Variants in ZMAT4 observed in about 807,000 individuals in gnomAD.
ZMAT4 encodes zinc finger matrin-type protein 4.
Under a neutral mutation model 28.7 loss-of-function variants are expected in ZMAT4, and 17 were observed. The observed-to-expected ratio is 0.59, with a 90% confidence interval of 0.41 to 0.89. The LOEUF is 0.89. Ranked by LOEUF, ZMAT4 falls within the 40% of genes least tolerant of loss-of-function variation. ZMAT4 has a pLI of 0.00. For synonymous variants in ZMAT4, 117 were observed against 109.2 expected (o/e 1.07, Z -0.44); for missense variants, 240 against 283.8 (o/e 0.85, Z 1.11).
intron 6 of ZMAT4, among the ~76,000 whole-genome samples, chr8:40,572,793 T>C (rs1255973509): frequency 6.6e-6 from 1 of 152,190 alleles, no homozygotes; most frequent in Admixed American, 6.5e-5. Flanking sequence ...GGAGAGAAAT[T>C]TGACTGCCAT....
intron 1 of ZMAT4, among the ~76,000 whole-genome samples, chr8:40,843,156 G>A (rs558085178): frequency 3.9e-5 from 6 of 152,366 alleles, no homozygotes; most frequent in African/African-American, 1.4e-4. Flanking sequence ...GCAAGGCCAA[G>A]AAGCAATTTT....
At chr8:40,533,554 A>G (rs1802759336) in intron 6 of ZMAT4, among the ~76,000 whole-genome samples, 3 of 152,344 alleles carry the variant, frequency 2.0e-5, no homozygotes, top group Non-Finnish European at 2.9e-5. Context: ...TTCAAAAGCT[A>G]CAAAAGAAAA....
intron 6 of ZMAT4, among the ~76,000 whole-genome samples, chr8:40,580,213 C>T (rs1414151654): frequency 2.6e-5 from 4 of 151,800 alleles, no homozygotes; most frequent in Admixed American, 6.6e-5. Context: ...GGGGTTTCAC[C>T]GTGTTGGCCA....
chr8:40,765,638 T>C (rs1217945660), intron 3 of ZMAT4, among the ~76,000 whole-genome samples: 1 of 152,210 alleles, frequency 6.6e-6, no homozygotes, highest in East Asian at 1.9e-4. Context: ...CCAAACATCT[T>C]TCCCACTGTA....
intron 3 of ZMAT4, among the ~76,000 whole-genome samples, chr8:40,749,831 C>G (rs1251009248): frequency 6.6e-6 from 1 of 152,228 alleles, no homozygotes; most frequent in East Asian, 1.9e-4. Context: ...TTGATCTTAT[C>G]TCTACTTCCA....
intron 6 of ZMAT4, among the ~76,000 whole-genome samples, chr8:40,564,414 T>C (rs1291425570): frequency 6.6e-6 from 1 of 152,196 alleles, no homozygotes; most frequent in Non-Finnish European, 1.5e-5. Context: ...CCCCTGTCAA[T>C]GACACTCTAT....
At chr8:40,774,685 T>C (rs1008981262) in intron 2 of ZMAT4, among the ~76,000 whole-genome samples, 10 of 150,422 alleles carry the variant, frequency 6.6e-5, no homozygotes, top group East Asian at 5.8e-4. Flanking sequence ...GACATAGAAA[T>C]ATATATATAT....
At position 40,760,867 on chromosome 8, in the gene ZMAT4, C is replaced by T. The variant is rs151234883; in HGVS notation, c.192+6774G>A. Among the ~76,000 whole-genome samples the T allele has an allele frequency of 3.1e-3, 470 of 152,180 alleles. 1 individual carries two copies. The highest frequency in any genetic ancestry group is 0.014 in the Middle Eastern group (4 of 294). On this transcript the variant is annotated intron_variant, in intron 3 of 6. Transcript: ENST00000297737. ...TATCACCAACCTGGGGCTTGGCCAA[C>T]GTAGAATTGACAGCTATGGTCAGCT...
rs11989570 is a variant in ZMAT4 at position 40,770,134 on chromosome 8, T to C, written c.103-2404A>G. Among the ~76,000 whole-genome samples, 1,087 of 152,230 alleles carry C rather than the reference T, an allele frequency of 7.1e-3. 13 individuals carry two copies. Among genetic ancestry groups the C allele is most frequent in the African/African-American group, 0.025 (1,031 of 41,532 alleles). On this transcript the variant is annotated intron_variant, in intron 2 of 6. Coordinates refer to ENST00000297737, the MANE Select transcript of ZMAT4 (RefSeq NM_024645.3). The stretch of plus-strand genomic sequence containing the variant: ...AGAGCTTTGGCAAATACCACCTGAT[T>C]CTGGAATGATGGCGGAGGCATCCTA...
At chr8:40,591,707 G>T (rs572686993) in intron 5 of ZMAT4, among the ~76,000 whole-genome samples, 3 of 152,134 alleles carry the variant, frequency 2.0e-5, no homozygotes, top group Non-Finnish European at 4.4e-5. Flanking sequence ...ATTCGTAGTG[G>T]TTTATTCTTC....
At chr8:40,560,487 C>T (rs972465005) in intron 6 of ZMAT4, among the ~76,000 whole-genome samples, 2 of 151,838 alleles carry the variant, frequency 1.3e-5, no homozygotes. Context: ...AATGCTTTAG[C>T]CTCCTGGGTA....
At chr8:40,837,714 C>T (rs1816547321) in intron 1 of ZMAT4, among the ~76,000 whole-genome samples, 1 of 152,176 alleles carries the variant, frequency 6.6e-6, no homozygotes, top group Admixed American at 6.5e-5. Flanking sequence ...CAGTACCGCT[C>T]GATTTCTCAT....
In ZMAT4 at chr8:40,532,015, C is replaced by T. The variant is rs1394453762; in HGVS notation, c.*208G>A. On this transcript the variant is annotated 3_prime_UTR_variant, in exon 7 of 7. Coordinates refer to ENST00000297737, the MANE Select transcript of ZMAT4 (RefSeq NM_024645.3). ...AGAATTTAAAAATCCATCCAAATATCATAACTTACCCCAAAATTAAAAAAA... is the reference window on the plus strand; with the variant it reads ...AGAATTTAAAAATCCATCCAAATATTATAACTTACCCCAAAATTAAAAAAA... 1 of 402,008 alleles carries T rather than the reference C, an allele frequency of 2.5e-6. No individual in the cohort carries two copies. Among genetic ancestry groups the T allele is most frequent in the Non-Finnish European group, 4.3e-6 (1 of 230,000 alleles). The allele number at this position is 402,008 out of a possible 1,614,324, so 24.9% of individuals were successfully genotyped here.
At chr8:40,727,228 T>A (rs1262383130) in intron 3 of ZMAT4, among the ~76,000 whole-genome samples, 1 of 152,160 alleles carries the variant, frequency 6.6e-6, no homozygotes, top group Admixed American at 6.5e-5. Context: ...CTCCATATAG[T>A]CCTGTGATGG....
chr8:40,723,028 G>A (rs1811169061), intron 3 of ZMAT4, among the ~76,000 whole-genome samples: 1 of 152,078 alleles, frequency 6.6e-6, no homozygotes, highest in African/African-American at 2.4e-5. Context: ...CTTCACTTGG[G>A]GAGAAGACAG....
intron 2 of ZMAT4, among the ~76,000 whole-genome samples, chr8:40,805,753 C>T (rs912016152): frequency 7.5e-6 from 1 of 133,712 alleles, no homozygotes; most frequent in Non-Finnish European, 1.5e-5. Flanking sequence ...AACACATGGA[C>T]ACAGGAAGGG....
chr8:40,621,276 G>C (rs1317607764), intron 5 of ZMAT4, among the ~76,000 whole-genome samples: 1 of 152,234 alleles, frequency 6.6e-6, no homozygotes, highest in African/African-American at 2.4e-5. Flanking sequence ...CAGGTGGGCA[G>C]ATGGGAAGAT....
chr8:40,782,534 T>C (rs1813882687), intron 2 of ZMAT4, among the ~76,000 whole-genome samples: 2 of 152,156 alleles, frequency 1.3e-5, no homozygotes. Flanking sequence ...GACTTAATTA[T>C]AAAAAGACAA....
At chr8:40,540,540 T>A (rs900221784) in intron 6 of ZMAT4, among the ~76,000 whole-genome samples, 1 of 152,198 alleles carries the variant, frequency 6.6e-6, no homozygotes, top group African/African-American at 2.4e-5. Flanking sequence ...TCCTGATTTG[T>A]AGCCTTCATA....
Sources: gnomAD v4.1 joint callset for allele counts (sites outside exome capture counted in the v4.1 genomes callset) on GRCh38, gnomAD v4.1.1 for gene constraint, MANE v1.5 for transcripts, NCBI Gene and HGNC (gene_info 2026-07-23, HGNC 2026-07-21) for gene names.